Variants in SPRED1 observed in about 807,000 individuals in gnomAD.
SPRED1 encodes sprouty-related, EVH1 domain-containing protein 1.
A neutral mutation model predicts 52.3 loss-of-function variants in SPRED1; 18 were observed. That is an observed-to-expected ratio of 0.34 (90% CI 0.24 to 0.51). SPRED1 has a LOEUF of 0.51. Ranked by LOEUF, SPRED1 falls within the 20% of genes least tolerant of loss-of-function variation. The pLI, the probability that SPRED1 is intolerant of heterozygous loss-of-function variation, is 0.97. For synonymous variants in SPRED1, 155 were observed against 179.7 expected (o/e 0.86, Z 1.10); for missense variants, 485 against 551.0 (o/e 0.88, Z 1.20).
intron 4 of SPRED1, among the ~76,000 whole-genome samples, chr15:38,333,021 C>T (rs1477959023): frequency 2.0e-5 from 3 of 152,108 alleles, no homozygotes; most frequent in Non-Finnish European, 4.4e-5. Context: ...GAGGGCTCTA[C>T]CTTCCTAATT....
chr15:38,315,595 A>T (rs898491827), intron 2 of SPRED1, among the ~76,000 whole-genome samples: 5 of 104,064 alleles, frequency 4.8e-5, no homozygotes, highest in African/African-American at 1.2e-4. Flanking sequence ...CCCCTCTGTA[A>T]ATTCTCACCC....
In SPRED1 at chr15:38,252,858, G is replaced by A; in HGVS notation, c.-328G>A. The A allele has an allele frequency of 2.3e-6, 1 of 428,916 alleles. No individual in the cohort carries two copies. Among genetic ancestry groups the A allele is most frequent in the South Asian group, 2.3e-5 (1 of 43,920 alleles). The allele number at this position is 428,916 out of a possible 1,614,324, so 26.6% of individuals were successfully genotyped here. A position where few individuals can be genotyped will look rare whatever the true frequency, so the allele number is the denominator to read the frequency against. On this transcript the variant is annotated 5_prime_UTR_variant, in exon 1 of 7. Coordinates refer to ENST00000299084, the MANE Select transcript of SPRED1 (RefSeq NM_152594.3). ...CCCGCTGCGCTCCACCCCAGTGGCT[G>A]GAGGAGCAGCTCTCCAGTCAGCCTT...
At chr15:38,269,511 T>G (rs541651703) in intron 1 of SPRED1, among the ~76,000 whole-genome samples, 1 of 152,282 alleles carries the variant, frequency 6.6e-6, no homozygotes, top group Non-Finnish European at 1.5e-5. Flanking sequence ...CCTCCCAGAG[T>G]GCTGAGATCA....
chr15:38,286,026 T>C (rs1045930288), intron 1 of SPRED1, among the ~76,000 whole-genome samples: 1 of 152,080 alleles, frequency 6.6e-6, no homozygotes, highest in African/African-American at 2.4e-5. Context: ...GGAGGTTTGC[T>C]TGAGGCCAGG....
At chr15:38,269,258 T>A (rs998419491) in intron 1 of SPRED1, among the ~76,000 whole-genome samples, 19 of 152,090 alleles carry the variant, frequency 1.2e-4, no homozygotes, top group Non-Finnish European at 2.6e-4. Context: ...AACTTTTTTT[T>A]AAGAGACAGT....
At chr15:38,325,561 C>T (rs535837000) in intron 4 of SPRED1, among the ~76,000 whole-genome samples, 3 of 151,946 alleles carry the variant, frequency 2.0e-5, no homozygotes, top group African/African-American at 7.2e-5. Context: ...ATGAGAAGGC[C>T]GAATTCTATT....
At chr15:38,268,395 A>G (rs192256093) in intron 1 of SPRED1, among the ~76,000 whole-genome samples, 7 of 152,376 alleles carry the variant, frequency 4.6e-5, no homozygotes, top group East Asian at 3.9e-4. Context: ...TTCAATGGCA[A>G]TGGGTCTCCA....
chr15:38,353,077 T>C lies in SPRED1; in HGVS notation c.*1413T>C, dbSNP rs1888529742. 1 of 152,468 alleles carries C rather than the reference T, an allele frequency of 6.6e-6. No homozygotes were observed. Among genetic ancestry groups the C allele is most frequent in the African/African-American group, 2.4e-5 (1 of 41,444 alleles). The allele number at this position is 152,468 out of a possible 1,614,324, so 9.4% of individuals were successfully genotyped here. ...GTTTTCTTAAGTGTTACATTAAAAC[T>C]CTAACCAAGGAAAGGGTTCTTTAAG... is the stretch of plus-strand genomic sequence containing the variant. On this transcript the variant is annotated 3_prime_UTR_variant, in exon 7 of 7. Coordinates refer to ENST00000299084, the MANE Select transcript of SPRED1 (RefSeq NM_152594.3).
At chr15:38,259,079 A>T (rs1894156809) in intron 1 of SPRED1, among the ~76,000 whole-genome samples, 1 of 152,198 alleles carries the variant, frequency 6.6e-6, no homozygotes, top group South Asian at 2.1e-4. Context: ...TAAACAAAAG[A>T]CTTAAGAGTA....
At chr15:38,323,027 A>C (rs1895636435) in intron 3 of SPRED1, among the ~76,000 whole-genome samples, 2 of 152,032 alleles carry the variant, frequency 1.3e-5, no homozygotes, top group Non-Finnish European at 2.9e-5. Context: ...ATTAAAACCC[A>C]TTTCTTCCCA....
intron 1 of SPRED1, among the ~76,000 whole-genome samples, chr15:38,261,849 C>G (rs1449561301): frequency 6.6e-6 from 1 of 152,114 alleles, no homozygotes; most frequent in African/African-American, 2.4e-5. Flanking sequence ...TTTTTAATGA[C>G]TTCTATATAT....
chr15:38,261,048 T>C (rs907160048), intron 1 of SPRED1, among the ~76,000 whole-genome samples: 9 of 152,222 alleles, frequency 5.9e-5, no homozygotes, highest in Non-Finnish European at 8.8e-5. Flanking sequence ...AAATGGGGTT[T>C]ATCTTGAGGA....
intron 2 of SPRED1, among the ~76,000 whole-genome samples, chr15:38,307,704 A>G (rs1475316967): frequency 6.6e-6 from 1 of 152,124 alleles, no homozygotes; most frequent in East Asian, 1.9e-4. Context: ...TATGATATGC[A>G]TGTACACTCT....
Position 38,322,373 on chromosome 15 carries a change from A to G in SPRED1, c.340A>G (p.Arg114Gly). Residue 114 changes from arginine (R) to glycine (G), a missense_variant, in exon 3 of 7, where the codon AGA (arginine) becomes GGA (glycine). By Grantham distance (125) the Arg-to-Gly change is moderately radical. Around this residue, in one of 5 missense-constraint regions of SPRED1, gnomAD observed 232 missense variants for 231.8 expected, o/e 1.00. Transcript: ENST00000299084. ...QSPADARAFD[R>G]GIRRAIEDIS... ...TCCTGCTGATGCTAGGGCTTTTGAT[A>G]GAGGTATCCGAAGAGCTATAGAGGA... 1 of 1,613,894 alleles carries G rather than the reference A, an allele frequency of 6.2e-7. No individual in the cohort carries two copies. Among genetic ancestry groups the G allele is most frequent in the Non-Finnish European group, 8.5e-7 (1 of 1,179,878 alleles).
In SPRED1 at chr15:38,353,277, C is replaced by G. The variant is rs1314826489; in HGVS notation, c.*1613C>G. ...TATATCACACTTAAGCTTGTGTTAG[C>G]TTTTTTCTTTTGCCCCAGATCAAAC... On this transcript the variant is annotated 3_prime_UTR_variant, in exon 7 of 7. Coordinates refer to ENST00000299084, the MANE Select transcript of SPRED1 (RefSeq NM_152594.3). The G allele has an allele frequency of 1.3e-5, 2 of 152,296 alleles. No homozygotes were observed. Among genetic ancestry groups the G allele is most frequent in the Non-Finnish European group, 2.9e-5 (2 of 67,878 alleles). The allele number at this position is 152,296 out of a possible 1,614,324, so 9.4% of individuals were successfully genotyped here. A position where few individuals can be genotyped will look rare whatever the true frequency, so the allele number is the denominator to read the frequency against.
At chr15:38,308,769 A>G (rs74744603) in intron 2 of SPRED1, among the ~76,000 whole-genome samples, 6,309 of 152,274 alleles carry the variant, frequency 0.041, 444 homozygotes, top group African/African-American at 0.14. Context: ...ACTAAATATA[A>G]CGTTGCTGTG....
Position 38,356,784 on chromosome 15 carries a change from A to T in SPRED1, c.*5120A>T, listed in dbSNP as rs1888631654. ...TCAAGTCAGTTTCATCGTTTTACTT[A>T]ACTCGCCATATAACCAAAAATAACG... On this transcript the variant is annotated 3_prime_UTR_variant, in exon 7 of 7. Transcript: ENST00000299084. 6.6e-6 allele frequency: 1 copy of T among 152,086 alleles called. No homozygotes were observed. The highest frequency in any genetic ancestry group is 2.1e-4 in the South Asian group (1 of 4,834). The allele number at this position is 152,086 out of a possible 1,614,324, so 9.4% of individuals were successfully genotyped here. A position where few individuals can be genotyped will look rare whatever the true frequency, so the allele number is the denominator to read the frequency against.
intron 4 of SPRED1, among the ~76,000 whole-genome samples, chr15:38,326,697 C>G (rs1229540343): frequency 6.6e-6 from 1 of 152,130 alleles, no homozygotes; most frequent in African/African-American, 2.4e-5. Context: ...CAAAGTTTTT[C>G]AAAGCATTAT....
rs1283391270 is a variant in SPRED1 at position 38,328,680 on chromosome 15, T to C, written c.423+3871T>C. Among the ~76,000 whole-genome samples, 8 of 152,182 alleles carry C rather than the reference T, an allele frequency of 5.3e-5. No homozygotes were observed. In the East Asian group the frequency reaches 1.5e-3, roughly 29 times the overall value. ...GTGAATGTTCTTTTCATTTGGTTTC[T>C]TTTCTTTGACTATTTTAATGAGACA... is the stretch of plus-strand genomic sequence containing the variant. On this transcript the variant is annotated intron_variant, in intron 4 of 6. Transcript: ENST00000299084.
Sources: allele counts gnomAD v4.1 joint callset (sites outside exome capture counted in the v4.1 genomes callset), GRCh38; gene constraint gnomAD v4.1.1; regional missense constraint gnomAD v4.1.1; transcripts MANE v1.5; gene names NCBI Gene and HGNC (gene_info 2026-07-23, HGNC 2026-07-21).